SCOC: variants seen among roughly 807,000 people sequenced by gnomAD.
SCOC encodes the protein short coiled-coil protein.
SCOC carries 7 observed loss-of-function variants against 9.9 expected under a neutral mutation model. The observed-to-expected ratio is 0.71, with a 90% CI of 0.40 to 1.33. The LOEUF (loss-of-function observed/expected upper bound fraction) is 1.33, where lower values mean the gene tolerates loss of function less well. Ranked by LOEUF, SCOC falls within the 40% of genes most tolerant of loss-of-function variation. SCOC has a pLI of 0.01. For synonymous variants in SCOC, 19 were observed against 28.2 expected (o/e 0.67, Z 1.03); for missense variants, 66 against 89.7 (o/e 0.74, Z 1.07).
chr4:140,359,877 T>G (rs1474865389), intron 2 of SCOC, among the ~76,000 whole-genome samples: 1 of 152,212 alleles, frequency 6.6e-6, no homozygotes, highest in Non-Finnish European at 1.5e-5. Context: ...ATACATGCTC[T>G]TCCTCCGCAT....
At chr4:140,351,153 G>C (rs1726960392) in intron 2 of SCOC, among the ~76,000 whole-genome samples, 1 of 151,336 alleles carries the variant, frequency 6.6e-6, no homozygotes, top group African/African-American at 2.4e-5. Flanking sequence ...TCGCGCCATT[G>C]CACTCCAGCC....
At chr4:140,330,003 C>T (rs900075317) in intron 1 of SCOC, among the ~76,000 whole-genome samples, 3 of 152,174 alleles carry the variant, frequency 2.0e-5, no homozygotes, top group South Asian at 2.1e-4. Context: ...TACTTGCACA[C>T]GCATGTTTAT....
intron 2 of SCOC, chr4:140,366,199 TC>T: frequency 1.4e-6 from 1 of 690,222 alleles, no homozygotes; most frequent in South Asian, 6.3e-5. Context: ...TTTTTTTTTT[TC>T]CCAAATAGAA....
chr4:140,352,581 A>G (rs1403351787), intron 2 of SCOC, among the ~76,000 whole-genome samples: 1 of 152,230 alleles, frequency 6.6e-6, no homozygotes, highest in Non-Finnish European at 1.5e-5. Context: ...AGAAATCTTC[A>G]ATCAGAAGAA....
At chr4:140,276,989 G>T (rs1355938622) in intron 1 of SCOC, among the ~76,000 whole-genome samples, 1 of 152,160 alleles carries the variant, frequency 6.6e-6, no homozygotes, top group Non-Finnish European at 1.5e-5. Context: ...GGATCAATTT[G>T]CAAACTTAAA....
chr4:140,383,313 T>A lies in SCOC; in HGVS notation c.*2209T>A, dbSNP rs1728624613. ...TCAGCTCACAATCTAGGATCTCTAT[T>A]AAAGGTCCATCCCTTTACATGTGGC... On this transcript the variant is annotated 3_prime_UTR_variant, in exon 4 of 4. Coordinates refer to ENST00000608372, the MANE Select transcript of SCOC (RefSeq NM_001153484.2). 6.6e-6 allele frequency: 1 copy of A among 152,222 alleles called. No homozygotes were observed. The allele number at this position is 152,222 out of a possible 1,614,324, so 9.4% of individuals were successfully genotyped here.
intron 1 of SCOC, among the ~76,000 whole-genome samples, chr4:140,311,291 C>T (rs2126467546): frequency 6.6e-6 from 1 of 152,278 alleles, no homozygotes; most frequent in South Asian, 2.1e-4. Context: ...CCAATTGTTT[C>T]TCAGTAGCAC....
chr4:140,300,113 G>A (rs184198790), intron 1 of SCOC, among the ~76,000 whole-genome samples: 2 of 152,154 alleles, frequency 1.3e-5, no homozygotes, highest in African/African-American at 4.8e-5. Context: ...TGTGGGTCCC[G>A]GAGACAAAGG....
At chr4:140,348,638 C>A (rs908569181) in intron 2 of SCOC, among the ~76,000 whole-genome samples, 1 of 151,928 alleles carries the variant, frequency 6.6e-6, no homozygotes, top group African/African-American at 2.4e-5. Context: ...AGGTTGTTTC[C>A]ATATCTTGGC....
At chr4:140,373,506 G>T (rs1174536215), upstream of SCOC, 4 of 1,551,610 alleles carry the variant, frequency 2.6e-6, no homozygotes, top group Non-Finnish European at 3.5e-6. Context: ...GGTGCTTTGA[G>T]ATTGGACGAC....
rs144089005 is a variant in SCOC, at chr4:140,383,691, C to T, written c.*2587C>T. On this transcript the variant is annotated 3_prime_UTR_variant, in exon 4 of 4. Transcript: ENST00000608372. ...GTTCACTCCATGGGAATTGTGAAGA[C>T]AGTCCACTTCCTGCTGGTGTGAATT... 35 of 152,262 alleles carry T rather than the reference C, an allele frequency of 2.3e-4. No individual in the cohort carries two copies. In the East Asian group the frequency reaches 3.1e-3, roughly 13 times the overall value. 9.4% of individuals were successfully genotyped at this position (152,262 alleles called of 1,614,324 possible).
intron 2 of SCOC, among the ~76,000 whole-genome samples, chr4:140,356,672 T>G (rs755386347): frequency 2.6e-5 from 4 of 152,228 alleles, no homozygotes; most frequent in Admixed American, 6.5e-5. Flanking sequence ...TGTGTTCTTC[T>G]CATTGCATAC....
At chr4:140,359,337 T>C (rs1379615092) in intron 2 of SCOC, among the ~76,000 whole-genome samples, 1 of 152,062 alleles carries the variant, frequency 6.6e-6, no homozygotes, top group Non-Finnish European at 1.5e-5. Context: ...CACCTACATA[T>C]GGTCTCTTCA....
chr4:140,274,563 C>A (rs1219115232), intron 1 of SCOC, among the ~76,000 whole-genome samples: 1 of 152,130 alleles, frequency 6.6e-6, no homozygotes. Context: ...AGGGAGATGC[C>A]AAGAACCTCT....
intron 1 of SCOC, among the ~76,000 whole-genome samples, chr4:140,265,061 T>A (rs2126392775): frequency 6.6e-6 from 1 of 152,316 alleles, no homozygotes; most frequent in South Asian, 2.1e-4. Flanking sequence ...TTATAAATAA[T>A]GTTGTGTCTC....
intron 1 of SCOC, among the ~76,000 whole-genome samples, chr4:140,288,345 C>T (rs148598200): frequency 3.9e-5 from 6 of 152,126 alleles, no homozygotes; most frequent in Non-Finnish European, 8.8e-5. Context: ...ACATGTCACA[C>T]AAATATATAT....
intron 1 of SCOC, among the ~76,000 whole-genome samples, chr4:140,258,833 C>T (rs1239264002): frequency 6.6e-6 from 1 of 152,182 alleles, no homozygotes; most frequent in Non-Finnish European, 1.5e-5. Context: ...GACATTTCTT[C>T]CTTATCATGG....
intron 1 of SCOC, among the ~76,000 whole-genome samples, chr4:140,259,495 C>T (rs76652450): frequency 0.052 from 7,972 of 152,192 alleles, 292 homozygotes; most frequent in African/African-American, 0.094. Context: ...TGGTGGCTTG[C>T]ACCTGTAATC....
At chr4:140,317,006 T>C (rs1317560781) in intron 1 of SCOC, among the ~76,000 whole-genome samples, 1 of 152,164 alleles carries the variant, frequency 6.6e-6, no homozygotes, top group Non-Finnish European at 1.5e-5. Flanking sequence ...TATTCTGCAG[T>C]GTGAAGGTGT....
Sources: allele counts gnomAD v4.1 joint callset (sites outside exome capture counted in the v4.1 genomes callset), GRCh38; gene constraint gnomAD v4.1.1; transcripts MANE v1.5; gene names NCBI Gene and HGNC (gene_info 2026-07-23, HGNC 2026-07-21).